MEI1: variants seen among roughly 807,000 people sequenced by gnomAD.
MEI1 encodes meiotic double-stranded break formation protein 1.
A neutral mutation model predicts 146.2 loss-of-function variants in MEI1; 103 were observed. The observed-to-expected ratio is 0.70, with a 90% CI of 0.60 to 0.83. The LOEUF (loss-of-function observed/expected upper bound fraction) is 0.83, where lower values mean the gene tolerates loss of function less well. Ranked by LOEUF, MEI1 falls within the 40% of genes least tolerant of loss-of-function variation. The pLI is 0.00. For synonymous variants in MEI1, 652 were observed against 628.2 expected, an observed-to-expected ratio of 1.04 and a Z score of -0.57; for missense variants, 1,529 against 1,533.0, an observed-to-expected ratio of 1.00 and a Z score of 0.04.
intron 26 of MEI1, 147 bp downstream of exon 26, chr22:41,784,930 T>TTTAC (rs2075903421): frequency 3.3e-6 from 1 of 302,996 alleles, no homozygotes; most frequent in Admixed American, 6.0e-5. Flanking sequence ...TTTTATTTTA[T>TTTAC]TTATTTATTT....
chr22:41,711,085 C>A (rs974063895), intron 3 of MEI1, among the ~76,000 whole-genome samples: 2 of 152,206 alleles, frequency 1.3e-5, no homozygotes, highest in African/African-American at 4.8e-5. Context: ...CTTTAGGGAG[C>A]ATTCACACAA....
rs746511275 is a variant in MEI1, at chr22:41,748,108, G to A, written c.1682G>A (p.Arg561Lys). The A allele has an allele frequency of 1.2e-6, 2 of 1,611,596 alleles. No homozygotes were observed. Among genetic ancestry groups the A allele is most frequent in the Non-Finnish European group, 8.5e-7 (1 of 1,177,814 alleles). ...GTTCTCTCTCCTGGTTCTTTGCAGA[G>A]ACACTTGGAGCAGACCACCCACCCA... ...CDSLCIPMVM[R>K]HLEQTTHPAL... Residue 561 changes from arginine to lysine, a missense_variant and splice_region_variant, in exon 15 of 31, where the codon AGA (arginine) becomes AAA (lysine). By Grantham distance (26) the Arg-to-Lys change is conservative (BLOSUM62 2). Around this residue, in one of 3 missense-constraint regions of MEI1, gnomAD observed 1,212 missense variants for 1,178.9 expected, o/e 1.03. Transcript: ENST00000401548.
intron 26 of MEI1, among the ~76,000 whole-genome samples, chr22:41,792,720 C>T (rs5751161): frequency 6.6e-6 from 1 of 152,150 alleles, no homozygotes; most frequent in African/African-American, 2.4e-5. Context: ...ACCATTTTAT[C>T]TTCCCACCAG....
intron 26 of MEI1, among the ~76,000 whole-genome samples, chr22:41,792,274 A>G (rs1022787578): frequency 7.2e-5 from 11 of 152,158 alleles, no homozygotes; most frequent in African/African-American, 2.4e-4. Flanking sequence ...CACCAGCACT[A>G]CAAACTGAGT....
intron 16 of MEI1, among the ~76,000 whole-genome samples, chr22:41,752,977 TC>T (rs2073868565): frequency 6.6e-6 from 1 of 151,624 alleles, no homozygotes; most frequent in African/African-American, 2.4e-5. Flanking sequence ...AGCCAGCAGT[TC>T]AAGATCAACT....
At chr22:41,733,953 CCT>C (rs1318999195) in intron 11 of MEI1, among the ~76,000 whole-genome samples, 3 of 151,228 alleles carry the variant, frequency 2.0e-5, no homozygotes, top group African/African-American at 7.3e-5. Flanking sequence ...ATGTAGAAAC[CCT>C]GTCTTTACTA....
At chr22:41,778,508 A>G (rs981787897) in intron 21 of MEI1, among the ~76,000 whole-genome samples, 200 bp from the exon 22 acceptor site, 1 of 152,232 alleles carries the variant, frequency 6.6e-6, no homozygotes. Flanking sequence ...GTACCAACCT[A>G]TGTCTGGCAC....
chr22:41,706,533 C>T (rs2069108314), intron 3 of MEI1, among the ~76,000 whole-genome samples: 1 of 151,974 alleles, frequency 6.6e-6, no homozygotes, highest in Non-Finnish European at 1.5e-5. Flanking sequence ...TGAAAGTTGT[C>T]TGCACACAGA....
intron 17 of MEI1, among the ~76,000 whole-genome samples, chr22:41,756,013 T>C (rs1443410051): frequency 1.3e-5 from 2 of 152,094 alleles, no homozygotes; most frequent in African/African-American, 4.8e-5. Context: ...ACATCTTAAC[T>C]CCCCTGGCTT....
chr22:41,703,302 A>G (rs1334713511), intron 1 of MEI1, 29 bp from the exon 2 acceptor site: 12 of 1,606,484 alleles, frequency 7.5e-6, no homozygotes, highest in African/African-American at 4.0e-5. Context: ...TTTGGTTGCT[A>G]TTGAATGTTT....
chr22:41,724,805 T>C (rs1027526873), intron 7 of MEI1, among the ~76,000 whole-genome samples: 4 of 136,010 alleles, frequency 2.9e-5, no homozygotes, highest in African/African-American at 8.5e-5. Context: ...TGTAAATTCT[T>C]TTTTTTTTTT....
At chr22:41,785,561 C>T (rs1195805613) in intron 26 of MEI1, among the ~76,000 whole-genome samples, 3 of 151,534 alleles carry the variant, frequency 2.0e-5, no homozygotes, top group African/African-American at 7.3e-5. Flanking sequence ...TGCACCTGGC[C>T]TATTTATTTA....
At chr22:41,780,459 T>C (rs148910784) in intron 22 of MEI1, among the ~76,000 whole-genome samples, 7 of 152,186 alleles carry the variant, frequency 4.6e-5, no homozygotes, top group African/African-American at 1.7e-4. Flanking sequence ...TCTATAGATA[T>C]CTACAGTGTA....
intron 18 of MEI1, among the ~76,000 whole-genome samples, chr22:41,762,543 T>G (rs1441380382): frequency 6.6e-6 from 1 of 150,610 alleles, no homozygotes; most frequent in Admixed American, 6.7e-5. Flanking sequence ...ACCAGCTAAT[T>G]TAACTGATTT....
chr22:41,766,727 T>C lies in MEI1; in HGVS notation c.2268+3406T>C, dbSNP rs1412674655. On this transcript the variant is annotated intron_variant, in intron 19 of 30. Coordinates refer to ENST00000401548, the MANE Select transcript of MEI1 (RefSeq NM_152513.4). ...GCATATGCCTGGCTAATTATTTTTATTTCCTGTAGAGACGGACTGGTCTCA... is the reference window on the plus strand; with the variant it reads ...GCATATGCCTGGCTAATTATTTTTACTTCCTGTAGAGACGGACTGGTCTCA... 2.0e-5 allele frequency among the ~76,000 whole-genome samples: 3 copies of C among 151,844 alleles called. No homozygotes were observed. In the East Asian group the frequency reaches 5.8e-4, roughly 29 times the overall value.
chr22:41,718,951 A>G (rs2070467122), intron 6 of MEI1, among the ~76,000 whole-genome samples: 1 of 149,986 alleles, frequency 6.7e-6, no homozygotes, highest in Non-Finnish European at 1.5e-5. Flanking sequence ...AGCTCACTGC[A>G]ACCTCTACCT....
chr22:41,787,279 C>T (rs1445243597), intron 26 of MEI1, among the ~76,000 whole-genome samples: 1 of 152,104 alleles, frequency 6.6e-6, no homozygotes, highest in African/African-American at 2.4e-5. Flanking sequence ...GACTCTGGAA[C>T]AGAATGGGCT....
At chr22:41,775,770 A>G (rs1223497153) in intron 20 of MEI1, among the ~76,000 whole-genome samples, 2 of 151,508 alleles carry the variant, frequency 1.3e-5, no homozygotes, top group African/African-American at 4.9e-5. Flanking sequence ...ATTTTTTTGT[A>G]TTTTTAGTAA....
chr22:41,757,818 G>A (rs192556737), intron 17 of MEI1, among the ~76,000 whole-genome samples: 25 of 152,250 alleles, frequency 1.6e-4, no homozygotes, highest in African/African-American at 4.8e-4. Context: ...CTGAGTAGTA[G>A]CCACTCAATG....
Sources: gnomAD v4.1 joint callset for allele counts (sites outside exome capture counted in the v4.1 genomes callset) on GRCh38, gnomAD v4.1.1 for gene constraint, gnomAD v4.1.1 regional missense constraint, MANE v1.5 for transcripts, NCBI Gene and HGNC (gene_info 2026-07-23, HGNC 2026-07-21) for gene names.